CHAF1B: variants seen among roughly 807,000 people sequenced by gnomAD.
CHAF1B encodes the protein chromatin assembly factor 1 subunit B, also known as CAF-1 subunit B.
A neutral mutation model predicts 60.7 loss-of-function variants in CHAF1B; 10 were observed. The observed-to-expected ratio is 0.16, with a 90% confidence interval of 0.10 to 0.28. The LOEUF is 0.28. Among genes scored for constraint, CHAF1B ranks in the 10% least tolerant of loss-of-function variants. The pLI is 1.00. For synonymous variants in CHAF1B, 261 were observed against 266.1 expected (o/e 0.98, Z 0.19); for missense variants, 558 against 708.4 (o/e 0.79, Z 2.41).
At position 36,411,503 on chromosome 21, in the gene CHAF1B, T is replaced by G; in HGVS notation, c.960T>G (p.Ala320=). The G allele has an allele frequency of 6.2e-7, 1 of 1,614,182 alleles. No homozygotes were observed. The highest frequency in any genetic ancestry group is 1.7e-5 in the Admixed American group (1 of 60,004). The part of the protein sequence containing the change: ...LMSLPYRLVF[A]VASEDSVLLY... ...GTCTGCCCTACCGCCTGGTGTTTGC[T>G]GTGGCCTCGGAGGATTCCGTGCTTC... The change falls in exon 11 of 14, where the codon GCT becomes GCG. Residue 320 remains alanine (A), a synonymous_variant. Coordinates refer to ENST00000314103, the MANE Select transcript of CHAF1B (RefSeq NM_005441.3).
rs928334433 is a variant in CHAF1B at position 36,393,373 on chromosome 21, A to C, written c.378-1174A>C. ...AGTTTTAAAGGATGAAAGCATAATT[A>C]AAATGGATTTTCTTAGTTTCGGCTA... On this transcript the variant is annotated intron_variant, in intron 4 of 13. Coordinates refer to ENST00000314103, the MANE Select transcript of CHAF1B (RefSeq NM_005441.3). Among the ~76,000 whole-genome samples, 16 of 152,256 alleles carry C rather than the reference A, an allele frequency of 1.1e-4. No homozygotes were observed. In the South Asian group the frequency reaches 3.3e-3, roughly 32 times the overall value.
intron 3 of CHAF1B, among the ~76,000 whole-genome samples, chr21:36,389,943 G>C (rs2086073033): frequency 6.6e-6 from 1 of 152,192 alleles, no homozygotes; most frequent in Non-Finnish European, 1.5e-5. Flanking sequence ...GAAACCTGCT[G>C]TTGTCAGCAC....
At chr21:36,405,596 A>G (rs573630489) in intron 8 of CHAF1B, among the ~76,000 whole-genome samples, 1 of 151,908 alleles carries the variant, frequency 6.6e-6, no homozygotes, top group African/African-American at 2.4e-5. Flanking sequence ...TGCCTGGCTA[A>G]TTTTCTTATT....
At chr21:36,414,697 C>T (rs148023900) in intron 12 of CHAF1B, among the ~76,000 whole-genome samples, 2 of 152,222 alleles carry the variant, frequency 1.3e-5, no homozygotes, top group East Asian at 1.9e-4. Context: ...CTGCAACCTC[C>T]GCCTTCTGGG....
At chr21:36,403,177 G>A (rs1244840273) in intron 8 of CHAF1B, among the ~76,000 whole-genome samples, 2 of 151,950 alleles carry the variant, frequency 1.3e-5, no homozygotes, top group Non-Finnish European at 2.9e-5. Context: ...TTAACTTTTG[G>A]CTGGGCACAG....
At chr21:36,399,632 C>T (rs1303378033) in intron 7 of CHAF1B, 27 bp downstream of exon 7, 2 of 1,585,298 alleles carry the variant, frequency 1.3e-6, no homozygotes, top group Non-Finnish European at 1.7e-6. Context: ...CATTCTTTTT[C>T]AGCAGCGCTT....
chr21:36,411,629 G>C lies in CHAF1B; in HGVS notation c.1061+25G>C, dbSNP rs191957322. On this transcript the variant is annotated intron_variant, in intron 11 of 13. Coordinates refer to ENST00000314103, the MANE Select transcript of CHAF1B (RefSeq NM_005441.3). ...GGTGAGTGGCTGCTAATGAGGGAGA[G>C]TGAGTGAAGGAGACCGTGGCTGTAT... 19 of 1,612,768 alleles carry C rather than the reference G, an allele frequency of 1.2e-5. No individual in the cohort carries two copies. The African/African-American group carries it at 2.5e-4, about 21-fold the overall frequency.
chr21:36,392,710 C>A (rs1260218913), intron 4 of CHAF1B, among the ~76,000 whole-genome samples: 1 of 148,678 alleles, frequency 6.7e-6, no homozygotes, highest in African/African-American at 2.5e-5. Context: ...CGGGCAGAGA[C>A]GCTCCTCACC....
intron 3 of CHAF1B, among the ~76,000 whole-genome samples, chr21:36,388,451 A>G (rs1166238886): frequency 6.7e-6 from 1 of 148,794 alleles, no homozygotes; most frequent in Non-Finnish European, 1.5e-5. Context: ...TGTGTTAGTA[A>G]TTAATTGGCT....
At chr21:36,396,497 C>T (rs1478566493) in intron 5 of CHAF1B, among the ~76,000 whole-genome samples, 1 of 151,268 alleles carries the variant, frequency 6.6e-6, no homozygotes, top group Non-Finnish European at 1.5e-5. Flanking sequence ...CCTCTCTCTA[C>T]CAAAAAAATA....
At chr21:36,403,806 C>T (rs942512614) in intron 8 of CHAF1B, among the ~76,000 whole-genome samples, 1 of 152,194 alleles carries the variant, frequency 6.6e-6, no homozygotes, top group African/African-American at 2.4e-5. Flanking sequence ...ATTGCCGTGG[C>T]TCCAGGACCA....
chr21:36,398,466 T>G (rs1005468634), intron 6 of CHAF1B, among the ~76,000 whole-genome samples: 65 of 152,302 alleles, frequency 4.3e-4, no homozygotes, highest in African/African-American at 1.4e-3. Flanking sequence ...TTCAAGCGAT[T>G]CTCCTGCCTC....
At chr21:36,397,361 CA>C in intron 5 of CHAF1B, 53 bp from the exon 6 acceptor site, 1 of 882,770 alleles carries the variant, frequency 1.1e-6, no homozygotes. Context: ...TATTTGGGCT[CA>C]AACAGGTTTT....
intron 5 of CHAF1B, among the ~76,000 whole-genome samples, chr21:36,396,407 C>T (rs2086139186): frequency 1.4e-5 from 2 of 146,146 alleles, no homozygotes; most frequent in South Asian, 4.4e-4. Context: ...GGCACAGTGG[C>T]TCAGGCCTGT....
rs2086139353 is a variant in CHAF1B at position 36,396,421 on chromosome 21, C to T, written c.482-994C>T. ...AGGCACAGTGGCTCAGGCCTGTAAT[C>T]CCAGCACTTTGGGAGGATTGCTCAA... On this transcript the variant is annotated intron_variant, in intron 5 of 13. Coordinates refer to ENST00000314103, the MANE Select transcript of CHAF1B (RefSeq NM_005441.3). Among the ~76,000 whole-genome samples the T allele has an allele frequency of 2.0e-5, 3 of 147,482 alleles. No homozygotes were observed. In the South Asian group the frequency reaches 6.5e-4, roughly 32 times the overall value.
chr21:36,408,198 C>T (rs567552283), intron 8 of CHAF1B, among the ~76,000 whole-genome samples: 1 of 152,044 alleles, frequency 6.6e-6, no homozygotes, highest in African/African-American at 2.4e-5. Context: ...TTAAGTACAG[C>T]AGGGGGTGAG....
intron 5 of CHAF1B, among the ~76,000 whole-genome samples, chr21:36,397,132 C>T (rs1285258222): frequency 6.6e-6 from 1 of 152,174 alleles, no homozygotes; most frequent in Non-Finnish European, 1.5e-5. Context: ...TTCTCAGACC[C>T]TCCGCCCTGT....
intron 6 of CHAF1B, chr21:36,397,721 T>A: frequency 4.0e-5 from 6 of 150,786 alleles, no homozygotes; most frequent in East Asian, 3.1e-4. Flanking sequence ...TAGTAAATCT[T>A]TTTTTTTTTT....
intron 13 of CHAF1B, chr21:36,415,661 C>T: frequency 2.0e-6 from 1 of 492,364 alleles, no homozygotes; most frequent in Non-Finnish European, 3.7e-6. Flanking sequence ...CCTTGTGGGC[C>T]AGGCAATTCT....
Sources: allele counts gnomAD v4.1 joint callset (sites outside exome capture counted in the v4.1 genomes callset), GRCh38; gene constraint gnomAD v4.1.1; transcripts MANE v1.5; gene names NCBI Gene and HGNC (gene_info 2026-07-23, HGNC 2026-07-21).